Variants in TMEM63B observed in about 807,000 individuals in gnomAD.
The protein encoded by TMEM63B is transmembrane protein 63B.
TMEM63B carries 23 observed loss-of-function variants against 102.6 expected under a neutral mutation model. The observed-to-expected ratio is 0.22, with a 90% CI of 0.16 to 0.32. The LOEUF is 0.32. Among genes scored for constraint, TMEM63B ranks in the 10% least tolerant of loss-of-function variants. The pLI is 1.00. For missense variants in TMEM63B, 628 were observed against 1,095.9 expected (o/e 0.57, Z 6.03); for synonymous variants, 444 against 437.0 (o/e 1.02, Z -0.20).
chr6:44,142,533 A>T (rs61362185), intron 10 of TMEM63B, among the ~76,000 whole-genome samples: 1,787 of 152,294 alleles, frequency 0.012, 40 homozygotes, highest in African/African-American at 0.041. Flanking sequence ...GTCTCAAAAA[A>T]AGAAAAAAAA....
chr6:44,142,487 G>A lies in TMEM63B; in HGVS notation c.782+1389G>A, dbSNP rs193026823. 5.2e-3 allele frequency among the ~76,000 whole-genome samples: 795 copies of A among 152,138 alleles called. 4 individuals carry two copies. Among genetic ancestry groups the A allele is most frequent in the Admixed American group, 0.011 (175 of 15,290 alleles). On this transcript the variant is annotated intron_variant, in intron 10 of 23. Transcript: ENST00000323267. Reference sequence around the variant, plus strand: ...AGAGGTTGCAGTGAGCCGAGATTGTGCCACTGCACTTCAGCCTGAGCGGCA... The same window carrying A: ...AGAGGTTGCAGTGAGCCGAGATTGTACCACTGCACTTCAGCCTGAGCGGCA...
chr6:44,150,693 T>C lies in TMEM63B; in HGVS notation c.1673+64T>C. On this transcript the variant is annotated intron_variant, in intron 18 of 23. Coordinates refer to ENST00000323267, the MANE Select transcript of TMEM63B (RefSeq NM_018426.3). The surrounding 1 kb of genome is among the most constrained non-coding windows in gnomAD (Gnocchi z 4.7). ...CAGGGGTGGGTATGCTTGAGAGACA[T>C]TGCCAGCCCCATGGGAGGGTGCAAC... 2 of 1,517,778 alleles carry C rather than the reference T, an allele frequency of 1.3e-6. No individual in the cohort carries two copies. Among genetic ancestry groups the C allele is most frequent in the South Asian group, 1.1e-5 (1 of 88,158 alleles). 94.0% of individuals were successfully genotyped at this position (1,517,778 alleles called of 1,614,324 possible).
chr6:44,145,821 A>G (rs368305587), intron 10 of TMEM63B, among the ~76,000 whole-genome samples: 340 of 152,308 alleles, frequency 2.2e-3, no homozygotes, highest in African/African-American at 7.5e-3. Flanking sequence ...TCCTTCACTC[A>G]GCAAGCATTC....
intron 1 of TMEM63B, 140 bp from the exon 2 acceptor site, chr6:44,134,420 GC>G: frequency 1.3e-6 from 1 of 796,970 alleles, no homozygotes; most frequent in Non-Finnish European, 1.9e-6. Flanking sequence ...CCCTCCCTAG[GC>G]CCTTATCTCC....
intron 1 of TMEM63B, chr6:44,132,402 G>A (rs1762120790): frequency 3.5e-6 from 3 of 856,006 alleles, no homozygotes; most frequent in Non-Finnish European, 4.2e-6. Flanking sequence ...GACAGGAGTT[G>A]ATAGGAATGG....
intron 11 of TMEM63B, 142 bp from the exon 12 acceptor site, chr6:44,147,235 A>G: frequency 7.3e-7 from 1 of 1,360,688 alleles, no homozygotes; most frequent in Non-Finnish European, 1.0e-6. Context: ...GGGTGGGGAG[A>G]CCTTGGGATG....
At chr6:44,146,771 T>C in intron 10 of TMEM63B, 76 bp from the exon 11 acceptor site, 1 of 1,418,478 alleles carries the variant, frequency 7.0e-7, no homozygotes, top group Non-Finnish European at 1.0e-6. Context: ...TTCTTGAAGG[T>C]GATGGGGTCA....
At chr6:44,136,479 AC>A (rs1762978667) in intron 5 of TMEM63B, 40 bp downstream of exon 5, 6 of 1,213,034 alleles carry the variant, frequency 4.9e-6, no homozygotes, top group Non-Finnish European at 6.7e-6. Flanking sequence ...CCCCCACCCC[AC>A]CCCCAGGGCA....
In TMEM63B at chr6:44,139,576, G is replaced by A. The variant is rs1224787005; in HGVS notation, c.517G>A (p.Val173Met). Residue 173 changes from valine to methionine, a missense_variant, in exon 7 of 24, where the codon GTG (valine) becomes ATG (methionine). This residue lies in a region of TMEM63B where 336 missense variants were observed against 580.3 expected (regional missense o/e 0.58). Coordinates refer to ENST00000323267, the MANE Select transcript of TMEM63B (RefSeq NM_018426.3). Reference sequence around the variant, plus strand: ...TGTGGGCGTCCTCTCCGTAGGCATCGTGCTGCCTGTCAACTTCTCAGGGGA... The same window carrying A: ...TGTGGGCGTCCTCTCCGTAGGCATCATGCTGCCTGTCAACTTCTCAGGGGA... ...VVVGVLSVGI[V>M]LPVNFSGDLL... is the part of the protein sequence containing the mutation. The A allele has an allele frequency of 1.2e-6, 2 of 1,614,090 alleles. No homozygotes were observed. Among genetic ancestry groups the A allele is most frequent in the South Asian group, 1.1e-5 (1 of 91,086 alleles).
chr6:44,146,813 C>G (rs760041076), intron 10 of TMEM63B, 34 bp from the exon 11 acceptor site: 1 of 1,606,078 alleles, frequency 6.2e-7, no homozygotes, highest in Admixed American at 1.7e-5. Context: ...TGGGTGGGGT[C>G]CCTGCACAAG....
At chr6:44,151,642 G>A (rs190918095) in intron 18 of TMEM63B, among the ~76,000 whole-genome samples, 1 of 152,230 alleles carries the variant, frequency 6.6e-6, no homozygotes, top group East Asian at 1.9e-4. Flanking sequence ...GTCTTTATGG[G>A]GCACAAGTTC....
chr6:44,154,540 A>T, intron 23 of TMEM63B, 95 bp downstream of exon 23: 1 of 1,541,218 alleles, frequency 6.5e-7, no homozygotes, highest in Non-Finnish European at 8.9e-7. Context: ...CCTGTGCCAG[A>T]CCCCATGGGG....
chr6:44,147,585 C>A, intron 12 of TMEM63B, 85 bp downstream of exon 12: 1 of 1,537,944 alleles, frequency 6.5e-7, no homozygotes, highest in East Asian at 2.4e-5. Flanking sequence ...CAGTGAGTCC[C>A]CACCTGTCCC....
chr6:44,135,194 G>A (rs1762674710), intron 3 of TMEM63B, 98 bp downstream of exon 3: 2 of 1,568,104 alleles, frequency 1.3e-6, no homozygotes, highest in Admixed American at 3.5e-5. Context: ...ATTCCCCTTT[G>A]CTGGGGGGAT....
chr6:44,148,393 C>T lies in TMEM63B; in HGVS notation c.1121+8C>T. The T allele has an allele frequency of 6.2e-7, 1 of 1,614,228 alleles. No individual in the cohort carries two copies. The highest frequency in any genetic ancestry group is 8.5e-7 in the Non-Finnish European group (1 of 1,180,042). On this transcript the variant is annotated splice_region_variant and intron_variant, in intron 13 of 23. Transcript: ENST00000323267. The surrounding 1 kb of genome is among the most constrained non-coding windows in gnomAD (Gnocchi z 5.1). ...TGAGACTATCACCGCCATGTGAGTC[C>T]CCAACTCGGCCCTCGGCCCTGAGCA...
chr6:44,154,347 C>T lies in TMEM63B; in HGVS notation c.2227-18C>T. ...GAGGACATGCCCCCACTTCCTGACT[C>T]ATTCTGGGCCCCTCAAGATTGAGCA... On this transcript the variant is annotated intron_variant, in intron 22 of 23. Coordinates refer to ENST00000323267, the MANE Select transcript of TMEM63B (RefSeq NM_018426.3). 1.2e-6 allele frequency: 2 copies of T among 1,613,666 alleles called. No homozygotes were observed. The highest frequency in any genetic ancestry group is 1.1e-5 in the South Asian group (1 of 91,062).
At position 44,148,836 on chromosome 6, in the gene TMEM63B, T is replaced by C. The variant is rs1765960388; in HGVS notation, c.1304T>C (p.Leu435Pro). Residue 435 changes from leucine (L) to proline (P), a missense_variant, in exon 15 of 24, where the codon CTG becomes CCG. Physicochemically the swap from Leu to Pro is moderately conservative, Grantham distance 98 (BLOSUM62 -3). Coordinates refer to ENST00000323267, the MANE Select transcript of TMEM63B (RefSeq NM_018426.3). This position sits in a 1 kb window ranked among gnomAD's most constrained non-coding sequence, Gnocchi z 5.1. ...GGCTTCATCTGGTGGCTGCGCTGCC[T>C]GGTCATCAATGTCGTCCTCTTCATC... Reference protein sequence around the residue: ...IRGFIWWLRCLVINVVLFILL... With the variant: ...IRGFIWWLRCPVINVVLFILL... 6.2e-7 allele frequency: 1 copy of C among 1,614,046 alleles called. No individual in the cohort carries two copies. Among genetic ancestry groups the C allele is most frequent in the South Asian group, 1.1e-5 (1 of 91,084 alleles).
At chr6:44,149,614 C>T (rs2128260979) in intron 15 of TMEM63B, among the ~76,000 whole-genome samples, 1 of 152,274 alleles carries the variant, frequency 6.6e-6, no homozygotes, top group South Asian at 2.1e-4. Flanking sequence ...ATGGCAAGTA[C>T]ATCAGCACTG....
In TMEM63B at chr6:44,148,725, G is replaced by A. The variant is rs1765935487; in HGVS notation, c.1260-67G>A. The A allele has an allele frequency of 6.2e-7, 1 of 1,611,326 alleles. No homozygotes were observed. The highest frequency in any genetic ancestry group is 8.5e-7 in the Non-Finnish European group (1 of 1,177,834). ...AGTAGGTAGGCGGAGGAGAGGGAGTGTCTTGGTGTCACTGGGGGCCAATCC... is the reference window on the plus strand; with the variant it reads ...AGTAGGTAGGCGGAGGAGAGGGAGTATCTTGGTGTCACTGGGGGCCAATCC... On this transcript the variant is annotated intron_variant, in intron 14 of 23. Transcript: ENST00000323267. The surrounding 1 kb of genome is among the most constrained non-coding windows in gnomAD (Gnocchi z 5.1).
Sources: gnomAD v4.1 joint callset for allele counts (sites outside exome capture counted in the v4.1 genomes callset) on GRCh38, gnomAD v4.1.1 for gene constraint, gnomAD v4.1.1 regional missense constraint, Gnocchi (gnomAD v3.1) non-coding constraint, MANE v1.5 for transcripts, NCBI Gene and HGNC (gene_info 2026-07-23, HGNC 2026-07-21) for gene names.